Variants in PTPRT observed in about 807,000 individuals in gnomAD.
The protein encoded by PTPRT is protein tyrosine phosphatase receptor type T, also known as receptor-type tyrosine-protein phosphatase T.
PTPRT carries 56 observed loss-of-function variants against 176.8 expected under a neutral mutation model. The ratio of observed to expected loss-of-function variants is 0.32; its 90% CI spans 0.26 to 0.40. The LOEUF (loss-of-function observed/expected upper bound fraction) is 0.40, where lower values mean the gene tolerates loss of function less well. Ranked by LOEUF, PTPRT falls within the 10% of genes least tolerant of loss-of-function variation. PTPRT has a pLI of 1.00. For missense variants in PTPRT, 1,540 were observed against 1,908.2 expected, an observed-to-expected ratio of 0.81 and a Z score of 3.60; for synonymous variants, 783 against 739.0, an observed-to-expected ratio of 1.06 and a Z score of -0.96.
chr20:42,484,896 C>A (rs1185400859), intron 7 of PTPRT, among the ~76,000 whole-genome samples: 1 of 152,178 alleles, frequency 6.6e-6, no homozygotes, highest in East Asian at 1.9e-4. Flanking sequence ...TGATGTCCTC[C>A]TAGCTGCCAC....
chr20:42,694,871 G>C (rs981155611), intron 6 of PTPRT, among the ~76,000 whole-genome samples: 1 of 152,148 alleles, frequency 6.6e-6, no homozygotes, highest in Non-Finnish European at 1.5e-5. Flanking sequence ...CTGCAAACAG[G>C]ATGTCTACTG....
At chr20:42,191,465 A>C (rs1048154250) in intron 16 of PTPRT, among the ~76,000 whole-genome samples, 1 of 152,252 alleles carries the variant, frequency 6.6e-6, no homozygotes, top group Admixed American at 6.5e-5. Flanking sequence ...GTAGAGGGTC[A>C]TGGTTGTCTT....
chr20:42,191,082 TA>T (rs1990983414), intron 16 of PTPRT, among the ~76,000 whole-genome samples: 2 of 151,940 alleles, frequency 1.3e-5, no homozygotes, highest in South Asian at 4.2e-4. Context: ...CTGTATATAA[TA>T]ACTAGGATCA....
At chr20:43,079,088 G>A (rs1007718329) in intron 1 of PTPRT, among the ~76,000 whole-genome samples, 2 of 151,866 alleles carry the variant, frequency 1.3e-5, no homozygotes, top group Non-Finnish European at 2.9e-5. Flanking sequence ...CACTTTTTAA[G>A]CACGACCACC....
At position 42,086,761 on chromosome 20, in the gene PTPRT, T is replaced by TAC. The variant is rs1984004136; in HGVS notation, c.3847-909_3847-908insGT. Among the ~76,000 whole-genome samples, 11 of 99,546 alleles carry TAC rather than the reference T, an allele frequency of 1.1e-4. 2 individuals are homozygous for TAC. Among genetic ancestry groups the TAC allele is most frequent in the African/African-American group, 4.6e-4 (11 of 23,750 alleles). 65.3% of individuals were successfully genotyped at this position (99,546 alleles called of 152,430 possible). A position where few individuals can be genotyped will look rare whatever the true frequency, so the allele number is the denominator to read the frequency against. ...AAAAAAAAAAAAAAAAAAATATATA[T>TAC]ATATATGGGTTTGACCTCAGGCGGC... On this transcript the variant is annotated intron_variant, in intron 27 of 30. Coordinates refer to ENST00000373187, the MANE Select transcript of PTPRT (RefSeq NM_007050.6).
intron 29 of PTPRT, among the ~76,000 whole-genome samples, chr20:42,083,408 T>C (rs368331160): frequency 6.6e-6 from 1 of 152,316 alleles, no homozygotes; most frequent in Admixed American, 6.5e-5. Context: ...CAGAGCCAGC[T>C]GGGCTTGGCT....
chr20:43,097,188 T>C (rs922442610), intron 1 of PTPRT, among the ~76,000 whole-genome samples: 2 of 152,184 alleles, frequency 1.3e-5, no homozygotes, highest in Non-Finnish European at 2.9e-5. Context: ...TATGGAACAC[T>C]TGGACAGTGG....
chr20:42,856,710 C>G (rs539507763), intron 2 of PTPRT, among the ~76,000 whole-genome samples: 1 of 151,810 alleles, frequency 6.6e-6, no homozygotes, highest in Non-Finnish European at 1.5e-5. Context: ...AATGCATATA[C>G]TATTAGGGCT....
At chr20:43,127,983 T>A (rs569741413) in intron 1 of PTPRT, among the ~76,000 whole-genome samples, 2 of 152,268 alleles carry the variant, frequency 1.3e-5, no homozygotes, top group East Asian at 3.9e-4. Flanking sequence ...GCTAGTTCTT[T>A]GATGGTGACA....
chr20:42,475,966 C>A (rs1296911250), intron 7 of PTPRT, among the ~76,000 whole-genome samples: 1 of 152,170 alleles, frequency 6.6e-6, no homozygotes, highest in African/African-American at 2.4e-5. Context: ...GGGTACAGTG[C>A]TGCTGACTAG....
intron 1 of PTPRT, among the ~76,000 whole-genome samples, chr20:43,085,686 G>A (rs956530186): frequency 1.3e-5 from 2 of 152,040 alleles, no homozygotes; most frequent in African/African-American, 2.4e-5. Flanking sequence ...GAGACTTATC[G>A]ACTATCACAA....
At chr20:42,936,552 T>C (rs1393347859) in intron 1 of PTPRT, among the ~76,000 whole-genome samples, 2 of 152,170 alleles carry the variant, frequency 1.3e-5, no homozygotes, top group East Asian at 1.9e-4. Flanking sequence ...TAAACTGTCT[T>C]ATAGCTTAAC....
At chr20:42,717,628 T>C (rs2076245048) in intron 6 of PTPRT, among the ~76,000 whole-genome samples, 1 of 152,132 alleles carries the variant, frequency 6.6e-6, no homozygotes, top group African/African-American at 2.4e-5. Flanking sequence ...TTCTTAAATA[T>C]GGCAAAAATA....
intron 1 of PTPRT, among the ~76,000 whole-genome samples, chr20:43,034,571 G>A (rs1427761557): frequency 6.6e-6 from 1 of 151,252 alleles, no homozygotes; most frequent in Non-Finnish European, 1.5e-5. Context: ...AACAGCCTCA[G>A]GATTCAGAAA....
intron 1 of PTPRT, among the ~76,000 whole-genome samples, chr20:42,921,845 C>T (rs1468678586): frequency 2.6e-5 from 4 of 152,232 alleles, no homozygotes; most frequent in Admixed American, 2.0e-4. Flanking sequence ...GAATTCTTGG[C>T]CCTCATCAAA....
chr20:42,613,084 T>A (rs917287885), intron 7 of PTPRT, among the ~76,000 whole-genome samples: 1 of 152,252 alleles, frequency 6.6e-6, no homozygotes, highest in African/African-American at 2.4e-5. Context: ...TTTTCTTCCA[T>A]GAAGCAAAAA....
At chr20:42,411,847 C>CAA (rs3092295) in intron 9 of PTPRT, among the ~76,000 whole-genome samples, 25 of 150,204 alleles carry the variant, frequency 1.7e-4, no homozygotes, top group African/African-American at 2.7e-4. Context: ...CAAATATCTA[C>CAA]AAAAAAAAAA....
At chr20:42,062,357 A>G in the PTPRT span, among the ~76,000 whole-genome samples, 7 of 152,288 alleles carry the variant, frequency 4.6e-5, no homozygotes, top group East Asian at 1.4e-3. Flanking sequence ...TCCCCTGTAG[A>G]GTAGAGGCCT....
intron 2 of PTPRT, among the ~76,000 whole-genome samples, chr20:42,830,363 T>C (rs910894444): frequency 6.6e-6 from 1 of 152,218 alleles, no homozygotes; most frequent in Admixed American, 6.5e-5. Context: ...ATTATCTCTA[T>C]AGATGCAGAC....
Sources: allele counts gnomAD v4.1 joint callset (sites outside exome capture counted in the v4.1 genomes callset), GRCh38; gene constraint gnomAD v4.1.1; transcripts MANE v1.5; gene names NCBI Gene and HGNC (gene_info 2026-07-23, HGNC 2026-07-21).